The following PDE7B variants were observed in gnomAD, a reference collection of about 807,000 sequenced individuals.
PDE7B encodes the protein 3',5'-cyclic-AMP phosphodiesterase 7B.
Under a neutral mutation model 56.2 loss-of-function variants are expected in PDE7B, and 29 were observed. The observed-to-expected ratio is 0.52, with a 90% confidence interval of 0.38 to 0.70. PDE7B has a LOEUF of 0.70. PDE7B is among the 30% of genes least tolerant of loss of function. The probability of loss-of-function intolerance (pLI) is 0.00; values close to 1 mark genes in which losing one functional copy is unlikely to be tolerated. For missense variants in PDE7B, 490 were observed against 565.0 expected, an observed-to-expected ratio of 0.87 and a Z score of 1.35; for synonymous variants, 197 against 196.9, an observed-to-expected ratio of 1.00 and a Z score of 0.00.
intron 2 of PDE7B, among the ~76,000 whole-genome samples, chr6:136,022,924 A>G (rs9389361): frequency 2.0e-5 from 3 of 151,910 alleles, no homozygotes; most frequent in Non-Finnish European, 4.4e-5. Context: ...CAATGTTTCT[A>G]TTAAGTCTTC....
At chr6:135,872,979 C>T (rs1775414967) in intron 1 of PDE7B, among the ~76,000 whole-genome samples, 2 of 152,210 alleles carry the variant, frequency 1.3e-5, no homozygotes, top group Admixed American at 1.3e-4. Context: ...CAGATTAAAA[C>T]TATCTTGAAC....
At chr6:136,130,906 T>C (rs1390195977) in intron 3 of PDE7B, among the ~76,000 whole-genome samples, 1 of 152,148 alleles carries the variant, frequency 6.6e-6, no homozygotes, top group Non-Finnish European at 1.5e-5. Flanking sequence ...TCAGATCTCA[T>C]GAGACTTATT....
intron 2 of PDE7B, among the ~76,000 whole-genome samples, chr6:136,086,418 TC>T (rs952566466): frequency 4.6e-5 from 7 of 151,838 alleles, no homozygotes; most frequent in African/African-American, 1.7e-4. Flanking sequence ...AGGAAGAGGC[TC>T]CCCCTGTACA....
At chr6:135,974,516 T>C (rs939730565) in intron 2 of PDE7B, among the ~76,000 whole-genome samples, 4 of 152,216 alleles carry the variant, frequency 2.6e-5, no homozygotes, top group Non-Finnish European at 5.9e-5. Flanking sequence ...TAGCAATTTC[T>C]GGTGAAAGAA....
intron 2 of PDE7B, among the ~76,000 whole-genome samples, chr6:136,015,806 G>T (rs1333914775): frequency 6.6e-6 from 1 of 151,978 alleles, no homozygotes; most frequent in Non-Finnish European, 1.5e-5. Flanking sequence ...ATGACCTAGG[G>T]GAAATTTTCT....
intron 2 of PDE7B, among the ~76,000 whole-genome samples, chr6:136,099,835 T>C (rs541476543): frequency 6.6e-6 from 1 of 152,250 alleles, no homozygotes; most frequent in African/African-American, 2.4e-5. Context: ...GTTTTAGTCA[T>C]GAAGTCTTTG....
At chr6:135,989,853 C>A (rs553234462) in intron 2 of PDE7B, among the ~76,000 whole-genome samples, 1 of 152,078 alleles carries the variant, frequency 6.6e-6, no homozygotes, top group East Asian at 1.9e-4. Flanking sequence ...ATTGCATGAG[C>A]AACAGATGTT....
In PDE7B at chr6:135,983,729, A is replaced by G. The variant is rs538771660; in HGVS notation, c.82+36205A>G. On this transcript the variant is annotated intron_variant, in intron 2 of 12. Transcript: ENST00000308191. Reference sequence around the variant, plus strand: ...CCAAGAAAGTGATTCTCTGCAGTCTATGTAAGAAGGATTCATTGATTTCTG... The same window carrying G: ...CCAAGAAAGTGATTCTCTGCAGTCTGTGTAAGAAGGATTCATTGATTTCTG... 3.9e-5 allele frequency among the ~76,000 whole-genome samples: 6 copies of G among 152,332 alleles called. No homozygotes were observed. In the East Asian group the frequency reaches 7.7e-4, roughly 20 times the overall value.
intron 3 of PDE7B, among the ~76,000 whole-genome samples, chr6:136,112,316 C>T (rs1430384132): frequency 6.6e-6 from 1 of 152,200 alleles, no homozygotes; most frequent in Non-Finnish European, 1.5e-5. Context: ...TGACTGTCCA[C>T]ACACCAAATC....
rs145852780 is a variant in PDE7B at position 135,947,599 on chromosome 6, G to A, written c.82+75G>A. 2,340 of 1,118,436 alleles carry A rather than the reference G, an allele frequency of 2.1e-3. 31 individuals carry two copies. The East Asian group carries it at 0.03, about 14-fold the overall frequency. The allele number at this position is 1,118,436 out of a possible 1,614,324, so 69.3% of individuals were successfully genotyped here. A position where few individuals can be genotyped will look rare whatever the true frequency, so the allele number is the denominator to read the frequency against. On this transcript the variant is annotated intron_variant, in intron 2 of 12. Transcript: ENST00000308191. ...GAGTTATCATTCTGTTGCCTTTTTG[G>A]CTGTCTCTCATTCTGTTTTGAAGAG...
intron 1 of PDE7B, among the ~76,000 whole-genome samples, chr6:135,889,630 G>A (rs571729054): frequency 3.0e-4 from 43 of 142,542 alleles, no homozygotes; most frequent in African/African-American, 6.6e-4. Context: ...TAGTAGAGAC[G>A]GGGTTTTGCC....
At chr6:135,899,937 T>C (rs1274245369) in intron 1 of PDE7B, among the ~76,000 whole-genome samples, 1 of 152,170 alleles carries the variant, frequency 6.6e-6, no homozygotes, top group Admixed American at 6.6e-5. Context: ...CTTCCTTATA[T>C]AACTTCTGGA....
intron 2 of PDE7B, among the ~76,000 whole-genome samples, chr6:136,103,159 C>T (rs1777591586): frequency 6.6e-6 from 1 of 152,130 alleles, no homozygotes; most frequent in South Asian, 2.1e-4. Flanking sequence ...CAGGAAGCCT[C>T]CTACTTAGCC....
chr6:135,964,087 GC>G (rs1285108418), intron 2 of PDE7B, among the ~76,000 whole-genome samples: 1 of 151,758 alleles, frequency 6.6e-6, no homozygotes, highest in African/African-American at 2.4e-5. Context: ...AACATAAAAA[GC>G]TTTTTCTGGG....
chr6:135,994,209 C>G (rs963701995), intron 2 of PDE7B, among the ~76,000 whole-genome samples: 1 of 149,312 alleles, frequency 6.7e-6, no homozygotes, highest in Non-Finnish European at 1.5e-5. Flanking sequence ...AGGACATTGG[C>G]CTAATTACCA....
rs1778310308 is a variant in PDE7B, at chr6:136,140,810, G to T, written c.167-6541G>T. On this transcript the variant is annotated intron_variant, in intron 3 of 12. Coordinates refer to ENST00000308191, the MANE Select transcript of PDE7B (RefSeq NM_018945.4). ...AGAATGCTTGTGATTTTTGCTCATT[G>T]ATTTTGTATCCTGAGACTTTGCTGA... Among the ~76,000 whole-genome samples the T allele has an allele frequency of 2.6e-5, 4 of 152,156 alleles. 1 individual carries two copies. The South Asian group carries it at 8.3e-4, about 32-fold the overall frequency.
chr6:136,109,173 C>CA (rs977936241), intron 3 of PDE7B, among the ~76,000 whole-genome samples: 11 of 152,034 alleles, frequency 7.2e-5, no homozygotes, highest in South Asian at 2.1e-4. Flanking sequence ...CTTATCTCTA[C>CA]AAAAAATCAA....
At chr6:136,150,270 GA>G (rs1254335881) in intron 5 of PDE7B, among the ~76,000 whole-genome samples, 1 of 152,124 alleles carries the variant, frequency 6.6e-6, no homozygotes, top group African/African-American at 2.4e-5. Flanking sequence ...TCGACAGGGG[GA>G]AATAAATTGT....
intron 8 of PDE7B, among the ~76,000 whole-genome samples, chr6:136,164,511 C>T (rs923093670): frequency 2.0e-5 from 3 of 152,328 alleles, no homozygotes; most frequent in Non-Finnish European, 4.4e-5. Context: ...ATCTCATAAA[C>T]AGACACACGG....
Sources: gnomAD v4.1 joint callset for allele counts (sites outside exome capture counted in the v4.1 genomes callset) on GRCh38, gnomAD v4.1.1 for gene constraint, MANE v1.5 for transcripts, NCBI Gene and HGNC (gene_info 2026-07-23, HGNC 2026-07-21) for gene names.